The following USP45 variants were observed in gnomAD, a reference collection of about 807,000 sequenced individuals.
USP45 encodes the protein ubiquitin specific peptidase 45.
USP45 carries 89 observed loss-of-function variants against 95.8 expected under a neutral mutation model. The observed-to-expected ratio is 0.93, with a 90% CI of 0.78 to 1.11. The LOEUF (loss-of-function observed/expected upper bound fraction) is 1.11. Ranked by LOEUF, USP45 falls within the 50% of genes least tolerant of loss-of-function variation. USP45 has a pLI of 0.00. For synonymous variants in USP45, 281 were observed against 316.2 expected (o/e 0.89, Z 1.18); for missense variants, 898 against 942.5 (o/e 0.95, Z 0.62).
At chr6:99,476,785 C>T (rs908157900) in intron 8 of USP45, among the ~76,000 whole-genome samples, 1 of 152,178 alleles carries the variant, frequency 6.6e-6, no homozygotes, top group Non-Finnish European at 1.5e-5. Flanking sequence ...ATCTTCCTAC[C>T]TTAACCAAAA....
intron 8 of USP45, among the ~76,000 whole-genome samples, chr6:99,480,420 A>C (rs1042561069): frequency 3.9e-5 from 6 of 152,196 alleles, no homozygotes; most frequent in Non-Finnish European, 5.9e-5. Flanking sequence ...TCACGCCTGT[A>C]ACCCTGGCAC....
Position 99,455,089 on chromosome 6 carries a change from C to CA in USP45, c.1309-8627dup, listed in dbSNP as rs56978977. Among the ~76,000 whole-genome samples the CA allele has an allele frequency of 6.7e-3, 849 of 126,680 alleles. 13 individuals carry two copies. The highest frequency in any genetic ancestry group is 0.02 in the African/African-American group (657 of 33,192). 83.1% of individuals were successfully genotyped at this position (126,680 alleles called of 152,430 possible). On this transcript the variant is annotated intron_variant, in intron 13 of 17. Transcript: ENST00000500704. ...CGGGTGACAGAGCGACACTCCATCT[C>CA]AAAAAAAAAAAAACAAAAAACAAAA...
chr6:99,504,606 A>G lies in USP45; in HGVS notation c.378-741T>C, dbSNP rs140374963. Among the ~76,000 whole-genome samples, 276 of 152,328 alleles carry G rather than the reference A, an allele frequency of 1.8e-3. 1 individual carries two copies. Among genetic ancestry groups the G allele is most frequent in the Non-Finnish European group, 3.4e-3 (229 of 68,032 alleles). The stretch of plus-strand genomic sequence containing the variant: ...AGGTAGAAACAGTAACAAATTAGAT[A>G]TAAAAGAGGAGGGAAAGGGAAGTGT... On this transcript the variant is annotated intron_variant, in intron 4 of 17. Coordinates refer to ENST00000500704, the MANE Select transcript of USP45 (RefSeq NM_001346022.3).
intron 7 of USP45, among the ~76,000 whole-genome samples, chr6:99,484,145 G>A (rs1793223361): frequency 6.7e-6 from 1 of 148,634 alleles, no homozygotes; most frequent in Non-Finnish European, 1.5e-5. Context: ...CAAAATTACA[G>A]AGGACTCAAG....
rs988275732 is a variant in USP45 at position 99,488,533 on chromosome 6, T to C, written c.618+148A>G. 7.0e-6 allele frequency: 6 copies of C among 860,810 alleles called. No individual in the cohort carries two copies. The Admixed American group carries it at 1.7e-4, about 25-fold the overall frequency. 53.3% of individuals were successfully genotyped at this position (860,810 alleles called of 1,614,324 possible). ...AAATAAGGTACATGTATACATATGGTGATGGCCCAAGATAGCGTAAACAAA... is the reference window on the plus strand; with the variant it reads ...AAATAAGGTACATGTATACATATGGCGATGGCCCAAGATAGCGTAAACAAA... On this transcript the variant is annotated intron_variant, in intron 6 of 17. Transcript: ENST00000500704.
intron 5 of USP45, among the ~76,000 whole-genome samples, chr6:99,492,625 G>C (rs1030061377): frequency 6.6e-6 from 1 of 151,048 alleles, no homozygotes; most frequent in African/African-American, 2.4e-5. Context: ...CTCCTAAGTA[G>C]TTGGGATTAC....
In USP45 at chr6:99,456,874, T is replaced by C. The variant is rs1190329650; in HGVS notation, c.1308+7730A>G. Among the ~76,000 whole-genome samples the C allele has an allele frequency of 2.2e-4, 33 of 152,254 alleles. 1 individual carries two copies. ...CTGGCGGAACAGAGCCATATTTCTC[T>C]TCTTTCAAAAGCAAATGGGAGAAAT... On this transcript the variant is annotated intron_variant, in intron 13 of 17. Coordinates refer to ENST00000500704, the MANE Select transcript of USP45 (RefSeq NM_001346022.3).
At chr6:99,506,310 A>C (rs79817467) in intron 4 of USP45, among the ~76,000 whole-genome samples, 3,615 of 152,264 alleles carry the variant, frequency 0.024, 79 homozygotes, top group Non-Finnish European at 0.035. Flanking sequence ...CTAATAAGAA[A>C]CTAGAAAATA....
At chr6:99,508,825 C>T (rs1375611385) in intron 2 of USP45, 43 bp from the exon 3 acceptor site, 2 of 1,549,606 alleles carry the variant, frequency 1.3e-6, no homozygotes, top group Non-Finnish European at 1.7e-6. Flanking sequence ...CTTTGCTACA[C>T]CAAAGTGCTA....
intron 15 of USP45, among the ~76,000 whole-genome samples, chr6:99,442,865 A>C (rs1030188827): frequency 1.3e-5 from 2 of 151,578 alleles, no homozygotes; most frequent in African/African-American, 4.8e-5. Context: ...CAAAAAAATT[A>C]TTTAAGTTTT....
chr6:99,469,798 T>C (rs190095982), intron 9 of USP45, among the ~76,000 whole-genome samples: 1 of 151,920 alleles, frequency 6.6e-6, no homozygotes, highest in Non-Finnish European at 1.5e-5. Context: ...TGTTTGTTTG[T>C]TCGTTTTGTA....
chr6:99,510,182 T>C lies in USP45; in HGVS notation c.39A>G (p.Lys13=), dbSNP rs781721900. The change falls in exon 2 of 18, where the codon AAA becomes AAG. Residue 13 remains lysine (K), a synonymous_variant. Coordinates refer to ENST00000500704, the MANE Select transcript of USP45 (RefSeq NM_001346022.3). The stretch of plus-strand genomic sequence containing the variant: ...CAGTAGGCCTTTTACTTCTTTTGGC[T>C]TTCTCAGGTAAAGCTTTAGTTGGAT... The part of the protein sequence containing the change: ...VKDPTKALPE[K]AKRSKRPTVP... 6.2e-7 allele frequency: 1 copy of C among 1,614,062 alleles called. No homozygotes were observed. Among genetic ancestry groups the C allele is most frequent in the South Asian group, 1.1e-5 (1 of 91,072 alleles).
chr6:99,468,632 T>TTAA lies in USP45; in HGVS notation c.934-17_934-15dup, dbSNP rs746980056. On this transcript the variant is annotated splice_polypyrimidine_tract_variant and intron_variant, in intron 9 of 17. Transcript: ENST00000500704. ...AGCTTGTATTCGCTGTAAAACAAAG[T>TTAA]TAATAGATTCTGGTCTAATAATAGT... The TTAA allele has an allele frequency of 3.1e-5, 49 of 1,569,958 alleles. No homozygotes were observed. Among genetic ancestry groups the TTAA allele is most frequent in the African/African-American group, 4.1e-5 (3 of 73,988 alleles).
intron 8 of USP45, among the ~76,000 whole-genome samples, chr6:99,480,925 C>A (rs138648180): frequency 1.3e-5 from 2 of 151,776 alleles, no homozygotes; most frequent in African/African-American, 4.8e-5. Flanking sequence ...CGCCATAAAA[C>A]AAACAAAAAA....
At chr6:99,488,091 G>T in intron 7 of USP45, 109 bp downstream of exon 7, 2 of 666,200 alleles carry the variant, frequency 3.0e-6, no homozygotes, top group South Asian at 1.9e-5. Context: ...TTATTTTTAA[G>T]CCCCCTGGCT....
At chr6:99,491,170 T>G (rs1488697825) in intron 5 of USP45, among the ~76,000 whole-genome samples, 1 of 152,066 alleles carries the variant, frequency 6.6e-6, no homozygotes, top group Non-Finnish European at 1.5e-5. Context: ...CACTAGAGCT[T>G]GGGGGCAAAG....
At chr6:99,490,574 G>A (rs190082312) in intron 5 of USP45, among the ~76,000 whole-genome samples, 28 of 151,972 alleles carry the variant, frequency 1.8e-4, no homozygotes, top group African/African-American at 6.8e-4. Flanking sequence ...TAAATATTTG[G>A]CTGATTGATG....
chr6:99,513,031 T>C (rs1800260002), intron 1 of USP45, among the ~76,000 whole-genome samples: 1 of 152,162 alleles, frequency 6.6e-6, no homozygotes, highest in Non-Finnish European at 1.5e-5. Context: ...AATGGAGAGC[T>C]GCTTCCTAAA....
chr6:99,517,046 C>A (rs959184953), upstream of USP45, among the ~76,000 whole-genome samples: 4 of 152,096 alleles, frequency 2.6e-5, no homozygotes, highest in African/African-American at 7.2e-5. Flanking sequence ...CTTAGCATAA[C>A]CAAAATCTCC....
Sources: gnomAD v4.1 joint callset for allele counts (sites outside exome capture counted in the v4.1 genomes callset) on GRCh38, gnomAD v4.1.1 for gene constraint, MANE v1.5 for transcripts, NCBI Gene and HGNC (gene_info 2026-07-23, HGNC 2026-07-21) for gene names.